Variants in NTNG1 observed in about 807,000 individuals in gnomAD.
NTNG1 encodes the protein netrin-G1.
In NTNG1, 16 loss-of-function variants were observed where a neutral mutation model predicts 54.0. That is an observed-to-expected ratio of 0.30 (90% CI 0.20 to 0.45). The LOEUF is 0.45. Ranked by LOEUF, NTNG1 falls within the 20% of genes least tolerant of loss-of-function variation. The probability of loss-of-function intolerance (pLI) is 1.00; values close to 1 mark genes in which losing one functional copy is unlikely to be tolerated. For synonymous variants in NTNG1, 255 were observed against 263.1 expected (o/e 0.97, Z 0.30); for missense variants, 530 against 678.7 (o/e 0.78, Z 2.43).
intron 2 of NTNG1, among the ~76,000 whole-genome samples, chr1:107,188,423 C>A (rs548143819): frequency 2.8e-4 from 43 of 152,226 alleles, no homozygotes; most frequent in African/African-American, 9.6e-4. Context: ...AAGTAATATA[C>A]CCCCTATTAT....
chr1:107,462,364 C>A (rs1056896388), intron 7 of NTNG1, among the ~76,000 whole-genome samples: 1 of 152,100 alleles, frequency 6.6e-6, no homozygotes, highest in African/African-American at 2.4e-5. Flanking sequence ...CCTGTGTGAC[C>A]TTAGAGAGAC....
intron 3 of NTNG1, among the ~76,000 whole-genome samples, chr1:107,341,286 A>G (rs1433891819): frequency 6.6e-6 from 1 of 152,000 alleles, no homozygotes; most frequent in Non-Finnish European, 1.5e-5. Context: ...TATTAATTCT[A>G]CTATATAATT....
intron 7 of NTNG1, among the ~76,000 whole-genome samples, chr1:107,441,888 A>G (rs1675989730): frequency 6.6e-6 from 1 of 152,034 alleles, no homozygotes; most frequent in South Asian, 2.1e-4. Flanking sequence ...CGAGAGGAGT[A>G]ATGTATGTCA....
intron 2 of NTNG1, among the ~76,000 whole-genome samples, chr1:107,290,963 T>TATATTATA (rs199789100): frequency 0.011 from 1,579 of 142,442 alleles, 18 homozygotes; most frequent in East Asian, 0.048. Context: ...TATATATATA[T>TATATTATA]TATATATATA....
chr1:107,475,498 A>G (rs1415101912), intron 7 of NTNG1, among the ~76,000 whole-genome samples: 1 of 152,198 alleles, frequency 6.6e-6, no homozygotes, highest in Non-Finnish European at 1.5e-5. Context: ...GAACAGTACT[A>G]AAGGGTCTGT....
intron 2 of NTNG1, among the ~76,000 whole-genome samples, chr1:107,169,244 A>C (rs989521839): frequency 2.6e-5 from 4 of 152,156 alleles, no homozygotes; most frequent in Non-Finnish European, 4.4e-5. Flanking sequence ...AATTTGGAGA[A>C]TTACTAGTTC....
chr1:107,419,377 A>G (rs1027698510), intron 5 of NTNG1, among the ~76,000 whole-genome samples: 5 of 151,474 alleles, frequency 3.3e-5, no homozygotes, highest in South Asian at 2.1e-4. Flanking sequence ...TCCTTAGAGC[A>G]GTAATTATTT....
intron 2 of NTNG1, among the ~76,000 whole-genome samples, chr1:107,163,035 C>G (rs1272387324): frequency 6.6e-6 from 1 of 152,150 alleles, no homozygotes; most frequent in Admixed American, 6.5e-5. Flanking sequence ...GGAGGTAGAT[C>G]AGTACACATT....
rs571749353 is a variant in NTNG1, at chr1:107,198,905, GA to G, written c.246+50067del. Among the ~76,000 whole-genome samples the G allele has an allele frequency of 3.3e-5, 5 of 151,914 alleles. No individual in the cohort carries two copies. In the East Asian group the frequency reaches 7.8e-4, roughly 24 times the overall value. The stretch of plus-strand genomic sequence containing the variant: ...ATGGAGCAACGGGCTATATTCTGGG[GA>G]CAACTGATTTTGACTTAAAGATATT... On this transcript the variant is annotated intron_variant, in intron 2 of 7. Coordinates refer to ENST00000370068, the MANE Select transcript of NTNG1 (RefSeq NM_001113226.3).
At chr1:107,179,408 T>C (rs1656899061) in intron 2 of NTNG1, among the ~76,000 whole-genome samples, 1 of 152,214 alleles carries the variant, frequency 6.6e-6, no homozygotes, top group Non-Finnish European at 1.5e-5. Context: ...TGTTTTTATT[T>C]TTTAAAACAC....
At chr1:107,158,549 G>A (rs1030931373) in intron 2 of NTNG1, among the ~76,000 whole-genome samples, 3 of 152,068 alleles carry the variant, frequency 2.0e-5, no homozygotes, top group African/African-American at 7.2e-5. Context: ...TCCAGCTGCC[G>A]ACATTATCAT....
At chr1:107,354,334 T>C (rs1669810171) in intron 3 of NTNG1, among the ~76,000 whole-genome samples, 1 of 151,526 alleles carries the variant, frequency 6.6e-6, no homozygotes, top group Non-Finnish European at 1.5e-5. Context: ...CCGAGCGTGG[T>C]GGCAGGCACC....
chr1:107,229,705 T>C (rs1335188425), intron 2 of NTNG1, among the ~76,000 whole-genome samples: 1 of 151,940 alleles, frequency 6.6e-6, no homozygotes, highest in Non-Finnish European at 1.5e-5. Flanking sequence ...GCCATGACAG[T>C]TTGCAAAAAC....
intron 2 of NTNG1, among the ~76,000 whole-genome samples, chr1:107,207,913 C>T (rs1397738751): frequency 1.3e-5 from 2 of 152,156 alleles, no homozygotes; most frequent in Non-Finnish European, 2.9e-5. Context: ...CACAGCATGG[C>T]AGCTGAACTT....
chr1:107,473,114 G>T (rs1678090576), intron 7 of NTNG1, among the ~76,000 whole-genome samples: 1 of 152,148 alleles, frequency 6.6e-6, no homozygotes, highest in African/African-American at 2.4e-5. Flanking sequence ...GTTTCAGGTG[G>T]TAAAGGTAGA....
At chr1:107,477,206 C>CTG (rs1264391135) in intron 7 of NTNG1, among the ~76,000 whole-genome samples, 2 of 152,152 alleles carry the variant, frequency 1.3e-5, no homozygotes, top group Non-Finnish European at 2.9e-5. Context: ...CTGAGTAGAG[C>CTG]CTCCTTGGAG....
At chr1:107,172,215 T>A (rs1018205296) in intron 2 of NTNG1, among the ~76,000 whole-genome samples, 4 of 152,058 alleles carry the variant, frequency 2.6e-5, no homozygotes, top group South Asian at 2.1e-4. Context: ...GCTCAAAGGG[T>A]GTTGTCTATC....
intron 3 of NTNG1, among the ~76,000 whole-genome samples, chr1:107,338,329 A>G (rs1668707262): frequency 6.6e-6 from 1 of 151,970 alleles, no homozygotes; most frequent in Admixed American, 6.6e-5. Flanking sequence ...ATGCCTAAAT[A>G]TGTATAAAAC....
At chr1:107,242,669 A>T (rs1226176174) in intron 2 of NTNG1, among the ~76,000 whole-genome samples, 2 of 152,128 alleles carry the variant, frequency 1.3e-5, no homozygotes, top group Non-Finnish European at 2.9e-5. Context: ...TAGTTGCTGT[A>T]TTTTTATATA....
Sources: allele counts gnomAD v4.1 joint callset (sites outside exome capture counted in the v4.1 genomes callset), GRCh38; gene constraint gnomAD v4.1.1; transcripts MANE v1.5; gene names NCBI Gene and HGNC (gene_info 2026-07-23, HGNC 2026-07-21).